Variants in HHAT observed in about 807,000 individuals in gnomAD.
The protein encoded by HHAT is protein-cysteine N-palmitoyltransferase HHAT.
A neutral mutation model predicts 70.8 loss-of-function variants in HHAT; 47 were observed. The ratio of observed to expected loss-of-function variants is 0.66; its 90% CI spans 0.53 to 0.85. HHAT has a LOEUF of 0.85. HHAT is among the 40% of genes least tolerant of loss of function. The probability of loss-of-function intolerance (pLI) is 0.00; values close to 1 mark genes in which losing one functional copy is unlikely to be tolerated. For synonymous variants in HHAT, 228 were observed against 247.6 expected (o/e 0.92, Z 0.74); for missense variants, 609 against 604.8 (o/e 1.01, Z -0.07).
At chr1:210,350,415 T>A (rs1419774205) in intron 2 of HHAT, among the ~76,000 whole-genome samples, 1 of 152,236 alleles carries the variant, frequency 6.6e-6, no homozygotes, top group Non-Finnish European at 1.5e-5. Flanking sequence ...GAATATGGAC[T>A]ATTTCTCCAT....
intron 11 of HHAT, among the ~76,000 whole-genome samples, chr1:210,668,551 C>T (rs1574123376): frequency 2.6e-5 from 4 of 152,198 alleles, no homozygotes; most frequent in African/African-American, 2.4e-5. Context: ...GCTCCTCCTT[C>T]GCCTTCTACC....
At chr1:210,661,232 C>A (rs1043198866) in intron 11 of HHAT, among the ~76,000 whole-genome samples, 7 of 105,784 alleles carry the variant, frequency 6.6e-5, no homozygotes, top group Non-Finnish European at 1.4e-4. Flanking sequence ...AAAGAAAAAA[C>A]CCCATCAAAA....
intron 10 of HHAT, among the ~76,000 whole-genome samples, chr1:210,620,333 G>C (rs1397017237): frequency 6.6e-6 from 1 of 152,174 alleles, no homozygotes; most frequent in Non-Finnish European, 1.5e-5. Flanking sequence ...AAGGTGGAGA[G>C]AGAGATCCCT....
intron 11 of HHAT, among the ~76,000 whole-genome samples, 162 bp from the exon 12 acceptor site, chr1:210,674,126 G>T (rs1232203877): frequency 6.6e-6 from 1 of 152,172 alleles, no homozygotes; most frequent in East Asian, 1.9e-4. Flanking sequence ...ACTCTGATGG[G>T]AATGTAGGAC....
chr1:210,545,436 CTT>C (rs71571956), intron 9 of HHAT, among the ~76,000 whole-genome samples: 20 of 127,162 alleles, frequency 1.6e-4, no homozygotes, highest in Admixed American at 3.5e-4. Flanking sequence ...CTTTTTTTTC[CTT>C]TTTTTTTTTT....
intron 8 of HHAT, among the ~76,000 whole-genome samples, chr1:210,482,198 C>A (rs968039098): frequency 1.3e-5 from 2 of 152,122 alleles, no homozygotes; most frequent in Non-Finnish European, 2.9e-5. Context: ...ATCATCTGCT[C>A]ACCACTAAAA....
intron 3 of HHAT, among the ~76,000 whole-genome samples, chr1:210,369,065 T>C (rs1288776152): frequency 6.7e-6 from 1 of 149,938 alleles, no homozygotes; most frequent in Non-Finnish European, 1.5e-5. Context: ...GCAACAAGAG[T>C]GAAACTCTGT....
intron 1 of HHAT, among the ~76,000 whole-genome samples, chr1:210,341,722 C>T (rs1371731405): frequency 6.6e-6 from 1 of 152,170 alleles, no homozygotes; most frequent in Admixed American, 6.5e-5. Context: ...AGAAAAAGTT[C>T]TGTGAGCTGA....
intron 11 of HHAT, among the ~76,000 whole-genome samples, chr1:210,648,249 A>G (rs969294322): frequency 6.6e-6 from 1 of 152,358 alleles, no homozygotes; most frequent in South Asian, 2.1e-4. Flanking sequence ...CTCCTGGTGC[A>G]GTATGATGTA....
At chr1:210,667,933 A>G (rs146956654) in intron 11 of HHAT, among the ~76,000 whole-genome samples, 1 of 152,266 alleles carries the variant, frequency 6.6e-6, no homozygotes, top group African/African-American at 2.4e-5. Flanking sequence ...TCGTCTTGCA[A>G]AACTGAAACT....
At chr1:210,505,989 A>C (rs747354183) in intron 8 of HHAT, among the ~76,000 whole-genome samples, 8 of 152,328 alleles carry the variant, frequency 5.3e-5, no homozygotes, top group Non-Finnish European at 1.2e-4. Context: ...AGAGCAGAAC[A>C]AGTCCTGGAA....
intron 10 of HHAT, among the ~76,000 whole-genome samples, chr1:210,608,958 G>C (rs1666058883): frequency 6.6e-6 from 1 of 152,158 alleles, no homozygotes. Context: ...AAGGCTAAAA[G>C]AGGAAGTGCC....
At chr1:210,572,085 G>A (rs1010585912) in intron 9 of HHAT, among the ~76,000 whole-genome samples, 8 of 152,170 alleles carry the variant, frequency 5.3e-5, no homozygotes, top group South Asian at 4.1e-4. Flanking sequence ...ACACTGGCAC[G>A]GCTGTGTTGG....
chr1:210,628,584 C>T (rs923441306), intron 11 of HHAT, among the ~76,000 whole-genome samples: 2 of 152,220 alleles, frequency 1.3e-5, no homozygotes, highest in Non-Finnish European at 2.9e-5. Context: ...GGAGTGACCC[C>T]ATGCCAAGGC....
intron 9 of HHAT, among the ~76,000 whole-genome samples, chr1:210,542,260 A>G (rs2148662537): frequency 6.6e-6 from 1 of 152,224 alleles, no homozygotes; most frequent in East Asian, 1.9e-4. Context: ...ATAAATAGGT[A>G]GGGGTGGGAG....
chr1:210,546,584 C>G (rs2095485428), intron 9 of HHAT, among the ~76,000 whole-genome samples: 1 of 152,186 alleles, frequency 6.6e-6, no homozygotes, highest in African/African-American at 2.4e-5. Flanking sequence ...GAAGGTGGGA[C>G]CTTATCCTGT....
At position 210,569,373 on chromosome 1, in the gene HHAT, CAAAAAAAAAA is replaced by C. The variant is rs71146233; in HGVS notation, c.1044-18508_1044-18499del. 2.1e-4 allele frequency among the ~76,000 whole-genome samples: 6 copies of C among 28,338 alleles called. 1 individual carries two copies. The highest frequency in any genetic ancestry group is 4.9e-4 in the African/African-American group (4 of 8,124). 18.6% of individuals were successfully genotyped at this position (28,338 alleles called of 152,430 possible). A position where few individuals can be genotyped will look rare whatever the true frequency, so the allele number is the denominator to read the frequency against. On this transcript the variant is annotated intron_variant, in intron 9 of 11. Transcript: ENST00000261458. Reference sequence around the variant, plus strand: ...CGGGCGACAGAGCCAGAGTCTGCCTCAAAAAAAAAAAAAAAAAAAAAAAAAAGCGTATAGC... The same window carrying C: ...CGGGCGACAGAGCCAGAGTCTGCCTCAAAAAAAAAAAAAAAAGCGTATAGC...
intron 10 of HHAT, among the ~76,000 whole-genome samples, chr1:210,607,780 G>T (rs547744017): frequency 1.7e-4 from 25 of 149,766 alleles, no homozygotes; most frequent in Non-Finnish European, 3.4e-4. Flanking sequence ...AGTCATTCAC[G>T]ACCATATGCC....
chr1:210,522,821 G>A (rs1394073588), intron 9 of HHAT, among the ~76,000 whole-genome samples: 1 of 150,872 alleles, frequency 6.6e-6, no homozygotes, highest in Non-Finnish European at 1.5e-5. Context: ...TTCGAATCCT[G>A]GCACGCTCTC....
Sources: allele counts gnomAD v4.1 joint callset (sites outside exome capture counted in the v4.1 genomes callset), GRCh38; gene constraint gnomAD v4.1.1; transcripts MANE v1.5; gene names NCBI Gene and HGNC (gene_info 2026-07-23, HGNC 2026-07-21).